ARHGAP12: variants seen among roughly 807,000 people sequenced by gnomAD.
ARHGAP12 encodes the protein Rho GTPase activating protein 12.
ARHGAP12 carries 64 observed loss-of-function variants against 108.6 expected under a neutral mutation model. That is an observed-to-expected ratio of 0.59 (90% CI 0.48 to 0.73). The LOEUF (loss-of-function observed/expected upper bound fraction) is 0.73, where lower values mean the gene tolerates loss of function less well. Among genes scored for constraint, ARHGAP12 ranks in the 30% least tolerant of loss-of-function variants. The probability of loss-of-function intolerance (pLI) is 0.00; values close to 1 mark genes in which losing one functional copy is unlikely to be tolerated. For synonymous variants in ARHGAP12, 312 were observed against 337.2 expected, an observed-to-expected ratio of 0.93 and a Z score of 0.82; for missense variants, 940 against 1,005.9, an observed-to-expected ratio of 0.93 and a Z score of 0.89.
intron 4 of ARHGAP12, among the ~76,000 whole-genome samples, chr10:31,855,292 T>C (rs1836847795): frequency 6.6e-6 from 1 of 152,200 alleles, no homozygotes; most frequent in Non-Finnish European, 1.5e-5. Context: ...TAAATGGCAA[T>C]TTGCTTTCTG....
chr10:31,819,552 T>C (rs1250545386), intron 12 of ARHGAP12, among the ~76,000 whole-genome samples: 1 of 152,152 alleles, frequency 6.6e-6, no homozygotes, highest in East Asian at 1.9e-4. Flanking sequence ...ACTCTGAAAG[T>C]AATGTGTGAC....
intron 4 of ARHGAP12, among the ~76,000 whole-genome samples, chr10:31,854,740 T>TA (rs1427888932): frequency 6.6e-6 from 1 of 151,970 alleles, no homozygotes. Flanking sequence ...AAATGCTTGT[T>TA]AAAGACTACT....
At chr10:31,844,287 C>T (rs2132240980) in intron 6 of ARHGAP12, among the ~76,000 whole-genome samples, 1 of 152,282 alleles carries the variant, frequency 6.6e-6, no homozygotes, top group African/African-American at 2.4e-5. Flanking sequence ...ATCTTTCCTA[C>T]TCTGCAGACA....
intron 1 of ARHGAP12, among the ~76,000 whole-genome samples, chr10:31,922,769 A>G (rs1014612197): frequency 1.3e-5 from 2 of 152,184 alleles, no homozygotes; most frequent in African/African-American, 4.8e-5. Flanking sequence ...CTCTCAAAAA[A>G]AAGTTGAAGC....
chr10:31,894,546 G>A (rs1252900192), intron 3 of ARHGAP12, among the ~76,000 whole-genome samples: 1 of 152,158 alleles, frequency 6.6e-6, no homozygotes, highest in African/African-American at 2.4e-5. Context: ...TACAAGGGAT[G>A]TGAAGGACCT....
At chr10:31,895,665 G>T (rs1386337500) in intron 3 of ARHGAP12, among the ~76,000 whole-genome samples, 2 of 152,194 alleles carry the variant, frequency 1.3e-5, no homozygotes, top group African/African-American at 2.4e-5. Context: ...TTCAACCATT[G>T]TGGAAGGCAG....
chr10:31,923,898 C>A (rs1429397258), intron 1 of ARHGAP12, among the ~76,000 whole-genome samples: 1 of 152,126 alleles, frequency 6.6e-6, no homozygotes, highest in Non-Finnish European at 1.5e-5. Flanking sequence ...CAAAACTCTT[C>A]AAATTGTACA....
chr10:31,905,553 G>A (rs772608104), intron 3 of ARHGAP12, among the ~76,000 whole-genome samples: 2 of 152,108 alleles, frequency 1.3e-5, no homozygotes, highest in East Asian at 1.9e-4. Flanking sequence ...TCCAGGGGTC[G>A]CCGATAAAGG....
At chr10:31,817,936 A>T in intron 12 of ARHGAP12, 50 bp from the exon 13 acceptor site, 1 of 1,325,010 alleles carries the variant, frequency 7.5e-7, no homozygotes, top group Non-Finnish European at 1.1e-6. Flanking sequence ...TTGTGCTTTC[A>T]GCAAAATACA....
In ARHGAP12 at chr10:31,826,326, G is replaced by C. The variant is rs779078374; in HGVS notation, c.1508C>G (p.Thr503Ser). Residue 503 changes from threonine to serine, a missense_variant, in exon 11 of 20, where the codon ACT becomes AGT. Transcript: ENST00000344936. ...TACCCAACTTGTGCTACTTCCTTGA[G>C]TTTTGGTAAAAAGTAAAGATGAACC... ...LQGSSLLFTKTQGSSTSWFGS... is the reference protein window; with the variant it reads ...LQGSSLLFTKSQGSSTSWFGS... 1 of 1,612,332 alleles carries C rather than the reference G, an allele frequency of 6.2e-7. No homozygotes were observed. The highest frequency in any genetic ancestry group is 8.5e-7 in the Non-Finnish European group (1 of 1,179,126).
chr10:31,859,799 C>CT (rs371109977), intron 4 of ARHGAP12, among the ~76,000 whole-genome samples: 34,999 of 144,262 alleles, frequency 0.24, 4,361 homozygotes, highest in Non-Finnish European at 0.3. Flanking sequence ...TAAAATTTTC[C>CT]TTTTTTTTTT....
intron 6 of ARHGAP12, among the ~76,000 whole-genome samples, chr10:31,848,784 T>A (rs1836561493): frequency 6.6e-6 from 1 of 152,168 alleles, no homozygotes; most frequent in Non-Finnish European, 1.5e-5. Context: ...TTAAGAACAT[T>A]ACTTTCGGCT....
intron 3 of ARHGAP12, among the ~76,000 whole-genome samples, chr10:31,884,288 CAT>C (rs1318483770): frequency 4.0e-5 from 6 of 148,480 alleles, no homozygotes; most frequent in African/African-American, 1.5e-4. Context: ...TACATATTAA[CAT>C]ATGTTTTTAT....
Position 31,806,241 on chromosome 10 carries a change from C to T in ARHGAP12, c.*1417G>A, listed in dbSNP as rs1322708010. ...GTTGATTTTTAAAAATGAGGTATAA[C>T]AGTATGCCAGTAAATGAAAAAACAA... On this transcript the variant is annotated 3_prime_UTR_variant, in exon 20 of 20. Coordinates refer to ENST00000344936, the MANE Select transcript of ARHGAP12 (RefSeq NM_018287.7). 6.6e-6 allele frequency: 1 copy of T among 152,152 alleles called. No individual in the cohort carries two copies. Among genetic ancestry groups the T allele is most frequent in the Non-Finnish European group, 1.5e-5 (1 of 68,008 alleles). The allele number at this position is 152,152 out of a possible 1,614,324, so 9.4% of individuals were successfully genotyped here.
At chr10:31,856,271 G>GA (rs1283484208) in intron 4 of ARHGAP12, among the ~76,000 whole-genome samples, 1 of 151,968 alleles carries the variant, frequency 6.6e-6, no homozygotes, top group Non-Finnish European at 1.5e-5. Context: ...TCAAGCAGAA[G>GA]AAAAAAGAGC....
At chr10:31,870,661 C>T (rs1282606798) in intron 3 of ARHGAP12, among the ~76,000 whole-genome samples, 1 of 152,130 alleles carries the variant, frequency 6.6e-6, no homozygotes, top group East Asian at 1.9e-4. Flanking sequence ...GGTTTTAGTT[C>T]ACAAACGAAT....
At chr10:31,819,521 G>GAACAGTCTTAACC (rs1184758826) in intron 12 of ARHGAP12, among the ~76,000 whole-genome samples, 2 of 152,140 alleles carry the variant, frequency 1.3e-5, no homozygotes, top group African/African-American at 4.8e-5. Context: ...CTAGTCTCCT[G>GAACAGTCTTAACC]AACAGTCTTA....
chr10:31,809,394 A>G, intron 16 of ARHGAP12, 87 bp from the exon 17 acceptor site: 3 of 1,234,318 alleles, frequency 2.4e-6, no homozygotes, highest in Non-Finnish European at 3.6e-6. Flanking sequence ...CAGAATTCCC[A>G]CTCATTTGCA....
At chr10:31,832,973 G>GC (rs540373428) in intron 9 of ARHGAP12, among the ~76,000 whole-genome samples, 88 of 152,042 alleles carry the variant, frequency 5.8e-4, no homozygotes, top group African/African-American at 2.0e-3. Flanking sequence ...CCTTAGATAC[G>GC]CAAGTTTGAT....
Sources: gnomAD v4.1 joint callset for allele counts (sites outside exome capture counted in the v4.1 genomes callset) on GRCh38, gnomAD v4.1.1 for gene constraint, MANE v1.5 for transcripts, NCBI Gene and HGNC (gene_info 2026-07-23, HGNC 2026-07-21) for gene names.